THSD7B: variants seen among roughly 807,000 people sequenced by gnomAD.
THSD7B encodes the protein thrombospondin type 1 domain containing 7B, also known as thrombospondin type-1 domain-containing protein 7B.
A neutral mutation model predicts 213.6 loss-of-function variants in THSD7B; 138 were observed. That is an observed-to-expected ratio of 0.65 (90% CI 0.56 to 0.74). The LOEUF is 0.74. THSD7B is among the 30% of genes least tolerant of loss of function. THSD7B has a pLI of 0.00. For missense variants in THSD7B, 1,931 were observed against 1,991.5 expected (o/e 0.97, Z 0.58); for synonymous variants, 742 against 687.0 (o/e 1.08, Z -1.25).
intron 3 of THSD7B, among the ~76,000 whole-genome samples, chr2:137,067,231 T>G (rs1201224351): frequency 6.6e-6 from 1 of 152,114 alleles, no homozygotes; most frequent in Non-Finnish European, 1.5e-5. Flanking sequence ...CTTTTTGTCT[T>G]TTAGTGTGCT....
At chr2:137,562,882 A>G (rs773412109) in intron 15 of THSD7B, among the ~76,000 whole-genome samples, 2 of 152,134 alleles carry the variant, frequency 1.3e-5, no homozygotes, top group African/African-American at 2.4e-5. Context: ...ATACCATACA[A>G]TTGAGAGCTG....
intron 12 of THSD7B, among the ~76,000 whole-genome samples, chr2:137,311,720 T>A (rs1028572171): frequency 6.6e-6 from 1 of 151,734 alleles, no homozygotes; most frequent in African/African-American, 2.4e-5. Context: ...CATGAAGGGT[T>A]GTTGAATTTT....
intron 12 of THSD7B, among the ~76,000 whole-genome samples, chr2:137,398,576 A>G (rs2104992203): frequency 6.6e-6 from 1 of 151,854 alleles, no homozygotes; most frequent in Admixed American, 6.6e-5. Context: ...AAGCTGTCAG[A>G]CAGGGACATT....
At chr2:137,574,858 C>T (rs1220699219) in intron 17 of THSD7B, among the ~76,000 whole-genome samples, 4 of 151,988 alleles carry the variant, frequency 2.6e-5, no homozygotes, top group African/African-American at 4.8e-5. Flanking sequence ...ATCATTGTGC[C>T]TGTAATTTAA....
At chr2:137,256,727 T>G (rs1030968643) in intron 10 of THSD7B, among the ~76,000 whole-genome samples, 10 of 151,856 alleles carry the variant, frequency 6.6e-5, no homozygotes, top group Non-Finnish European at 1.3e-4. Context: ...AATAATGAGG[T>G]GAGACGACAT....
At chr2:137,565,799 C>T (rs757480887) in intron 16 of THSD7B, among the ~76,000 whole-genome samples, 7 of 152,068 alleles carry the variant, frequency 4.6e-5, no homozygotes, top group Non-Finnish European at 1.0e-4. Context: ...TCTTATAAAG[C>T]CACCAGTCTC....
intron 12 of THSD7B, among the ~76,000 whole-genome samples, chr2:137,404,107 T>A (rs1177104490): frequency 6.6e-6 from 1 of 152,006 alleles, no homozygotes; most frequent in Non-Finnish European, 1.5e-5. Context: ...TCCAGAGAAT[T>A]CAGTAAAAAT....
At chr2:137,465,482 T>C (rs932040884) in intron 15 of THSD7B, among the ~76,000 whole-genome samples, 11 of 152,040 alleles carry the variant, frequency 7.2e-5, no homozygotes, top group Non-Finnish European at 1.5e-4. Flanking sequence ...TGTTTATAAA[T>C]CTCCAGGTGA....
At chr2:137,200,898 G>A (rs1208477155) in intron 7 of THSD7B, among the ~76,000 whole-genome samples, 1 of 147,244 alleles carries the variant, frequency 6.8e-6, no homozygotes, top group Non-Finnish European at 1.5e-5. Context: ...CCAACTCCTG[G>A]CCTCAAGCGA....
At chr2:137,571,738 G>C (rs529260878) in intron 16 of THSD7B, among the ~76,000 whole-genome samples, 1 of 152,244 alleles carries the variant, frequency 6.6e-6, no homozygotes, top group African/African-American at 2.4e-5. Context: ...ACCTGACACA[G>C]AGTAGGCCAA....
Position 137,486,598 on chromosome 2 carries a change from A to G in THSD7B, c.3138+35575A>G, listed in dbSNP as rs1318104002. Among the ~76,000 whole-genome samples the G allele has an allele frequency of 2.7e-5, 4 of 149,414 alleles. No homozygotes were observed. In the East Asian group the frequency reaches 8.0e-4, roughly 30 times the overall value. ...AGACAGATCAACGAGACAGAAAGTT[A>G]ACAAGGATACCCAGGAATTGAACTC... On this transcript the variant is annotated intron_variant, in intron 15 of 27. Transcript: ENST00000409968.
intron 2 of THSD7B, among the ~76,000 whole-genome samples, chr2:136,882,636 A>G (rs1212630134): frequency 1.3e-5 from 2 of 152,246 alleles, no homozygotes; most frequent in Non-Finnish European, 2.9e-5. Context: ...ATCTGAATTT[A>G]GCTGATATTC....
Position 137,614,745 on chromosome 2 carries a change from C to A in THSD7B, c.3424-1430C>A, listed in dbSNP as rs536056313. ...ATAAAATTATAAGTACTGACAGATC[C>A]AAGTACAAAATCACATGGATAGTGA... On this transcript the variant is annotated intron_variant, in intron 17 of 27. Coordinates refer to ENST00000409968, the MANE Select transcript of THSD7B (RefSeq NM_001316349.2). 1.1e-3 allele frequency among the ~76,000 whole-genome samples: 168 copies of A among 152,100 alleles called. 4 individuals are homozygous for A. In the South Asian group the frequency reaches 0.032, roughly 29 times the overall value.
At chr2:137,174,247 A>C (rs1289752105) in intron 7 of THSD7B, among the ~76,000 whole-genome samples, 1 of 152,138 alleles carries the variant, frequency 6.6e-6, no homozygotes, top group Admixed American at 6.5e-5. Context: ...CCAAGTATCT[A>C]TGTCCCATTC....
chr2:137,302,320 A>G (rs1683626179), intron 12 of THSD7B, among the ~76,000 whole-genome samples: 1 of 152,186 alleles, frequency 6.6e-6, no homozygotes, highest in Non-Finnish European at 1.5e-5. Flanking sequence ...CCAGTGGTGC[A>G]TGGAGAAGAC....
At chr2:136,884,994 A>C (rs182453632) in intron 2 of THSD7B, among the ~76,000 whole-genome samples, 6 of 152,264 alleles carry the variant, frequency 3.9e-5, no homozygotes, top group Admixed American at 2.6e-4. Context: ...ACATCTTAGA[A>C]TCTGTTACCT....
chr2:137,097,474 T>C (rs1688060139), intron 4 of THSD7B, among the ~76,000 whole-genome samples: 1 of 152,132 alleles, frequency 6.6e-6, no homozygotes. Flanking sequence ...AAGCACAAAT[T>C]TACTCAACTC....
rs147734231 is a variant in THSD7B, at chr2:137,170,104, A to G, written c.1526-637A>G. 4.7e-3 allele frequency among the ~76,000 whole-genome samples: 716 copies of G among 152,234 alleles called. 5 individuals carry two copies. The highest frequency in any genetic ancestry group is 0.014 in the African/African-American group (584 of 41,556). Reference sequence around the variant, plus strand: ...GGCCCATAGCATGTAAAATACATCTATGTTCTTATTACAGTCTCTGGCTGG... The same window carrying G: ...GGCCCATAGCATGTAAAATACATCTGTGTTCTTATTACAGTCTCTGGCTGG... On this transcript the variant is annotated intron_variant, in intron 6 of 27. Coordinates refer to ENST00000409968, the MANE Select transcript of THSD7B (RefSeq NM_001316349.2).
At chr2:136,887,295 A>T (rs1683734667) in intron 2 of THSD7B, among the ~76,000 whole-genome samples, 1 of 67,948 alleles carries the variant, frequency 1.5e-5, no homozygotes, top group African/African-American at 5.8e-5. Flanking sequence ...AAAACTCCAT[A>T]TTTGTTGTGT....
Sources: allele counts gnomAD v4.1 joint callset (sites outside exome capture counted in the v4.1 genomes callset), GRCh38; gene constraint gnomAD v4.1.1; transcripts MANE v1.5; gene names NCBI Gene and HGNC (gene_info 2026-07-23, HGNC 2026-07-21).